Variants in MMRN1 observed in about 807,000 individuals in gnomAD.
MMRN1 encodes the protein multimerin 1.
A neutral mutation model predicts 100.7 loss-of-function variants in MMRN1; 94 were observed. The observed-to-expected ratio is 0.93, with a 90% CI of 0.79 to 1.11. The LOEUF is 1.11. Ranked by LOEUF, MMRN1 falls within the 50% of genes least tolerant of loss-of-function variation. MMRN1 has a pLI of 0.00. For synonymous variants in MMRN1, 575 were observed against 505.0 expected (o/e 1.14, Z -1.86); for missense variants, 1,606 against 1,439.1 (o/e 1.12, Z -1.88).
At chr4:89,896,804 T>C (rs927350486) in intron 1 of MMRN1, among the ~76,000 whole-genome samples, 7 of 152,196 alleles carry the variant, frequency 4.6e-5, no homozygotes, top group Admixed American at 4.6e-4. Context: ...TATTCAAGTC[T>C]ATTTTTCACT....
intron 5 of MMRN1, among the ~76,000 whole-genome samples, chr4:89,934,162 C>T (rs1325223994): frequency 6.6e-6 from 1 of 151,930 alleles, no homozygotes; most frequent in Non-Finnish European, 1.5e-5. Context: ...TAATGTCATA[C>T]TATAATAATA....
Position 89,923,198 on chromosome 4 carries a change from A to G in MMRN1, c.881A>G (p.Asn294Ser), listed in dbSNP as rs2110614735. 1 of 1,613,962 alleles carries G rather than the reference A, an allele frequency of 6.2e-7. No individual in the cohort carries two copies. Among genetic ancestry groups the G allele is most frequent in the Non-Finnish European group, 8.5e-7 (1 of 1,179,854 alleles). ...AQEQQSLIHT[N>S]QAESHTAVGR... ...GAACAGCAAAGTTTGATACACACCA[A>G]CCAGGCTGAAAGTCATACAGCTGTT... Residue 294 changes from asparagine (N) to serine (S), a missense_variant, in exon 4 of 8, where the codon AAC (asparagine) becomes AGC (serine). Transcript: ENST00000264790.
chr4:89,889,643 G>A (rs1560576841), intron 1 of MMRN1, among the ~76,000 whole-genome samples: 3 of 152,082 alleles, frequency 2.0e-5, no homozygotes, highest in Admixed American at 2.0e-4. Flanking sequence ...GTGGCCCTGC[G>A]TGATGTGCTG....
At chr4:89,890,344 G>A (rs1324518396), upstream of MMRN1, among the ~76,000 whole-genome samples, 1 of 151,108 alleles carries the variant, frequency 6.6e-6, no homozygotes, top group Non-Finnish European at 1.5e-5. Context: ...CCTAAAGAGA[G>A]CTTTTATTGG....
At chr4:89,891,221 C>A (rs1158839219), upstream of MMRN1, among the ~76,000 whole-genome samples, 1 of 151,892 alleles carries the variant, frequency 6.6e-6, no homozygotes, top group Non-Finnish European at 1.5e-5. Context: ...TTTCAGAAGA[C>A]TTTTGAAGGT....
At chr4:89,918,980 A>G (rs534078051) in intron 3 of MMRN1, among the ~76,000 whole-genome samples, 16 of 151,916 alleles carry the variant, frequency 1.1e-4, no homozygotes, top group African/African-American at 3.8e-4. Context: ...CTTGTATATG[A>G]AAGAGTTCAA....
chr4:89,895,161 G>A lies in MMRN1; in HGVS notation c.190G>A (p.Glu64Lys). ...ILPTTRVMSAEIATTPEARTS... is the reference protein window; with the variant it reads ...ILPTTRVMSAKIATTPEARTS... ...GCCAACCACTCGGGTCATGTCGGCG[G>A]AGATAGCTACAACTCCAGAGGCAAG... The change falls in exon 1 of 8, where the codon GAG (glutamate) becomes AAG (lysine). Residue 64 changes from glutamate to lysine, a missense_variant. Transcript: ENST00000264790. 6 of 1,613,836 alleles carry A rather than the reference G, an allele frequency of 3.7e-6. No individual in the cohort carries two copies. The highest frequency in any genetic ancestry group is 2.2e-5 in the South Asian group (2 of 91,072).
At position 89,954,278 on chromosome 4, in the gene MMRN1, T is replaced by C. The variant is rs1275222251; in HGVS notation, c.*860T>C. 2 of 152,122 alleles carry C rather than the reference T, an allele frequency of 1.3e-5. No individual in the cohort carries two copies. The highest frequency in any genetic ancestry group is 2.4e-5 in the African/African-American group (1 of 41,414). 9.4% of individuals were successfully genotyped at this position (152,122 alleles called of 1,614,324 possible). Reference sequence around the variant, plus strand: ...ACATGTAATGTCTCATTCCTCACAATAACCCTTGTAAAGTGGGCATGATTA... The same window carrying C: ...ACATGTAATGTCTCATTCCTCACAACAACCCTTGTAAAGTGGGCATGATTA... On this transcript the variant is annotated 3_prime_UTR_variant, in exon 8 of 8. Transcript: ENST00000264790.
At position 89,936,311 on chromosome 4, in the gene MMRN1, T is replaced by C. The variant is rs61740925; in HGVS notation, c.2631T>C (p.Tyr877=). ...SKVTQTLIPY[Y]ISVKKGSVVT... is the part of the protein sequence containing the mutation. ...TTACCCAGACGCTCATACCTTATTA[T>C]ATTTCAGTTAAAAAAGGCAGTGTAG... Residue 877 remains tyrosine (Y), a synonymous_variant, in exon 6 of 8, where the codon TAT becomes TAC. Coordinates refer to ENST00000264790, the MANE Select transcript of MMRN1 (RefSeq NM_007351.3). 1,884 of 1,612,630 alleles carry C rather than the reference T, an allele frequency of 1.2e-3. 25 individuals are homozygous for C. The African/African-American group carries it at 0.021, about 18-fold the overall frequency.
chr4:89,883,357 G>T (rs1007355457), intron 1 of MMRN1, among the ~76,000 whole-genome samples: 1 of 151,952 alleles, frequency 6.6e-6, no homozygotes. Flanking sequence ...TACCTGAAAC[G>T]TATGAGTTCT....
chr4:89,897,473 G>T lies in MMRN1; in HGVS notation c.623+1879G>T, dbSNP rs370829466. ...TCCACCCACCTCAGCCTCCCAAAGT[G>T]CTGGGATTACAGGCGTGAGCCACCG... On this transcript the variant is annotated intron_variant, in intron 1 of 7. Transcript: ENST00000264790. 2.3e-4 allele frequency among the ~76,000 whole-genome samples: 35 copies of T among 152,184 alleles called. No individual in the cohort carries two copies. The East Asian group carries it at 5.6e-3, about 24-fold the overall frequency.
chr4:89,907,641 A>T (rs1470554028), intron 1 of MMRN1, among the ~76,000 whole-genome samples: 1 of 151,240 alleles, frequency 6.6e-6, no homozygotes, highest in Admixed American at 6.6e-5. Flanking sequence ...TCTGTACTTC[A>T]GTTTGGCTGG....
upstream of MMRN1, among the ~76,000 whole-genome samples, chr4:89,893,697 G>T (rs77437532): frequency 2.5e-3 from 385 of 152,182 alleles, 4 homozygotes; most frequent in African/African-American, 8.6e-3. Context: ...TGACAGCAAA[G>T]AATATTTTTG....
intron 1 of MMRN1, among the ~76,000 whole-genome samples, chr4:89,896,091 T>G (rs1721198431): frequency 6.6e-6 from 1 of 152,202 alleles, no homozygotes; most frequent in South Asian, 2.1e-4. Flanking sequence ...TCTAGTTCCA[T>G]GATTTTGAGC....
upstream of MMRN1, among the ~76,000 whole-genome samples, chr4:89,894,110 A>G (rs1721116964): frequency 6.6e-6 from 1 of 152,122 alleles, no homozygotes; most frequent in Admixed American, 6.6e-5. Context: ...CCTTACTAGT[A>G]AAATATTGGT....
At chr4:89,929,577 A>T (rs1297026364) in intron 5 of MMRN1, among the ~76,000 whole-genome samples, 1 of 152,138 alleles carries the variant, frequency 6.6e-6, no homozygotes, top group African/African-American at 2.4e-5. Flanking sequence ...GGTTCTCATG[A>T]CCTAACAGAA....
At chr4:89,944,945 TCA>T (rs1722942466) in intron 6 of MMRN1, among the ~76,000 whole-genome samples, 1 of 152,146 alleles carries the variant, frequency 6.6e-6, no homozygotes, top group African/African-American at 2.4e-5. Flanking sequence ...CGTATAACCT[TCA>T]CCATAATCAA....
At chr4:89,910,676 A>G (rs1183860809) in intron 2 of MMRN1, among the ~76,000 whole-genome samples, 2 of 151,402 alleles carry the variant, frequency 1.3e-5, no homozygotes, top group Non-Finnish European at 3.0e-5. Flanking sequence ...AGCTTTAACT[A>G]TGAGAGTGCA....
intron 1 of MMRN1, among the ~76,000 whole-genome samples, chr4:89,900,130 T>C (rs371039018): frequency 2.0e-5 from 3 of 152,084 alleles, no homozygotes; most frequent in African/African-American, 7.2e-5. Context: ...TAAATGAAAC[T>C]GGTAAAGTAT....
Sources: gnomAD v4.1 joint callset for allele counts (sites outside exome capture counted in the v4.1 genomes callset) on GRCh38, gnomAD v4.1.1 for gene constraint, MANE v1.5 for transcripts, NCBI Gene and HGNC (gene_info 2026-07-23, HGNC 2026-07-21) for gene names.